The following MACROD2 variants were observed in gnomAD, a reference collection of about 807,000 sequenced individuals.
MACROD2 encodes ADP-ribose glycohydrolase MACROD2.
Under a neutral mutation model 70.4 loss-of-function variants are expected in MACROD2, and 36 were observed. That is an observed-to-expected ratio of 0.51 (90% CI 0.39 to 0.68). MACROD2 has a LOEUF of 0.68. MACROD2 is among the 30% of genes least tolerant of loss of function. MACROD2 has a pLI of 0.00. For missense variants in MACROD2, 496 were observed against 538.4 expected (o/e 0.92, Z 0.78); for synonymous variants, 172 against 178.8 (o/e 0.96, Z 0.30).
At chr20:14,611,237 G>A (rs966710449) in intron 4 of MACROD2, among the ~76,000 whole-genome samples, 2 of 152,066 alleles carry the variant, frequency 1.3e-5, no homozygotes, top group African/African-American at 4.8e-5. Context: ...TCTGTGAAAT[G>A]ACAATAATAA....
At chr20:15,775,269 C>T (rs995988559) in intron 8 of MACROD2, among the ~76,000 whole-genome samples, 2 of 152,084 alleles carry the variant, frequency 1.3e-5, no homozygotes, top group Non-Finnish European at 2.9e-5. Context: ...CTGAGGGTGG[C>T]GTTTTCCATG....
intron 3 of MACROD2, among the ~76,000 whole-genome samples, chr20:14,239,102 G>A (rs1411197363): frequency 6.7e-6 from 1 of 149,518 alleles, no homozygotes; most frequent in African/African-American, 2.5e-5. Context: ...GGACCCCAAT[G>A]AAGAATACAA....
In MACROD2 at chr20:15,499,766, T is replaced by G; in HGVS notation, c.572-8T>G. The G allele has an allele frequency of 6.2e-7, 1 of 1,613,666 alleles. No homozygotes were observed. The highest frequency in any genetic ancestry group is 8.5e-7 in the Non-Finnish European group (1 of 1,179,640). ...TTGTTCATTTGTTTTTTCCTGCTCT[T>G]CATCTAGGCTTTCCCAACGAGCCTG... On this transcript the variant is annotated splice_region_variant and splice_polypyrimidine_tract_variant and intron_variant, in intron 7 of 17. Transcript: ENST00000684519.
intron 3 of MACROD2, among the ~76,000 whole-genome samples, chr20:14,192,063 A>G (rs145151085): frequency 4.2e-4 from 64 of 152,318 alleles, no homozygotes; most frequent in African/African-American, 1.5e-3. Context: ...ACACATCACT[A>G]CAGAGTCTTT....
chr20:14,753,628 G>C (rs2071903439), intron 5 of MACROD2, among the ~76,000 whole-genome samples: 1 of 151,980 alleles, frequency 6.6e-6, no homozygotes, highest in South Asian at 2.1e-4. Context: ...GTCATACGGA[G>C]AAAAAACAGA....
intron 5 of MACROD2, among the ~76,000 whole-genome samples, chr20:15,014,896 G>T (rs182368562): frequency 6.6e-6 from 1 of 151,496 alleles, no homozygotes; most frequent in Non-Finnish European, 1.5e-5. Flanking sequence ...TTTTTGATGC[G>T]ATCCCCCCTT....
At chr20:15,510,289 A>T (rs2047481194) in intron 8 of MACROD2, among the ~76,000 whole-genome samples, 1 of 152,212 alleles carries the variant, frequency 6.6e-6, no homozygotes, top group Non-Finnish European at 1.5e-5. Flanking sequence ...CTACTGAAGG[A>T]CATTCTAACA....
intron 8 of MACROD2, among the ~76,000 whole-genome samples, chr20:15,685,932 A>G (rs1294053032): frequency 1.3e-5 from 2 of 152,180 alleles, no homozygotes; most frequent in African/African-American, 4.8e-5. Flanking sequence ...TGGCTCTTCC[A>G]TGGCAGAGTA....
chr20:16,011,002 C>A (rs926603644), intron 15 of MACROD2, among the ~76,000 whole-genome samples: 1 of 152,144 alleles, frequency 6.6e-6, no homozygotes, highest in Non-Finnish European at 1.5e-5. Flanking sequence ...CTTTCCTGGG[C>A]AGACTAAATG....
intron 4 of MACROD2, among the ~76,000 whole-genome samples, chr20:14,680,273 AAGC>A (rs1244850000): frequency 1.3e-5 from 2 of 152,184 alleles, no homozygotes; most frequent in Non-Finnish European, 2.9e-5. Context: ...AAGAAAATGA[AAGC>A]TAGAAGGTGT....
At chr20:14,281,247 T>C (rs2082303790) in intron 3 of MACROD2, among the ~76,000 whole-genome samples, 1 of 152,022 alleles carries the variant, frequency 6.6e-6, no homozygotes, top group Non-Finnish European at 1.5e-5. Context: ...CCCATAAAAA[T>C]GAATGAAGTA....
intron 6 of MACROD2, among the ~76,000 whole-genome samples, chr20:15,385,312 T>G (rs1390872917): frequency 6.6e-6 from 1 of 152,224 alleles, no homozygotes; most frequent in African/African-American, 2.4e-5. Context: ...TGACTGTTTT[T>G]GGACTCAAAT....
At position 15,862,615 on chromosome 20, in the gene MACROD2, G is replaced by A. The variant is rs1260687128; in HGVS notation, c.646-130G>A. The A allele has an allele frequency of 1.7e-5, 11 of 658,408 alleles. No individual in the cohort carries two copies. The Admixed American group carries it at 2.6e-4, about 15-fold the overall frequency. The allele number at this position is 658,408 out of a possible 1,614,324, so 40.8% of individuals were successfully genotyped here. On this transcript the variant is annotated intron_variant, in intron 8 of 17. Coordinates refer to ENST00000684519, the MANE Select transcript of MACROD2 (RefSeq NM_001351661.2). ...ATCCTTGAACTTCACTCAATGCTAT[G>A]ATGTAGATAGCAGTATAGAACCAAA...
chr20:14,750,133 A>G (rs1462607583), intron 5 of MACROD2, among the ~76,000 whole-genome samples: 5 of 152,168 alleles, frequency 3.3e-5, no homozygotes, highest in Non-Finnish European at 7.4e-5. Flanking sequence ...ATATTCTTCT[A>G]GTTTTGCAAA....
chr20:15,022,549 A>G (rs1414674843), intron 5 of MACROD2, among the ~76,000 whole-genome samples: 3 of 152,230 alleles, frequency 2.0e-5, no homozygotes. Context: ...TTCATGTGAC[A>G]GTCTCATTCC....
At chr20:15,564,245 C>A (rs997356016) in intron 8 of MACROD2, among the ~76,000 whole-genome samples, 3 of 152,146 alleles carry the variant, frequency 2.0e-5, no homozygotes, top group Non-Finnish European at 2.9e-5. Flanking sequence ...CATCTAGGAA[C>A]CTTCGCTCAT....
intron 8 of MACROD2, among the ~76,000 whole-genome samples, chr20:15,627,320 A>G (rs1199987645): frequency 6.6e-6 from 1 of 151,922 alleles, no homozygotes; most frequent in African/African-American, 2.4e-5. Context: ...TAGGAAGATT[A>G]GTATGGTAAT....
intron 5 of MACROD2, among the ~76,000 whole-genome samples, chr20:15,016,460 G>C (rs2075122113): frequency 6.6e-6 from 1 of 152,130 alleles, no homozygotes; most frequent in Admixed American, 6.5e-5. Context: ...CAATGTTAGA[G>C]GTAGAGCCTA....
In MACROD2 at chr20:16,049,890, C is replaced by G. The variant is rs765151377; in HGVS notation, c.*14C>G. On this transcript the variant is annotated 3_prime_UTR_variant, in exon 18 of 18. Transcript: ENST00000684519. ...GGAACTAAATGACAATCCTCAGCATCGCAAGGCCTCTCCTGGCTCTGGGGG... is the reference window on the plus strand; with the variant it reads ...GGAACTAAATGACAATCCTCAGCATGGCAAGGCCTCTCCTGGCTCTGGGGG... 6.6e-7 allele frequency: 1 copy of G among 1,510,106 alleles called. No homozygotes were observed. The highest frequency in any genetic ancestry group is 9.0e-7 in the Non-Finnish European group (1 of 1,116,028). The allele number at this position is 1,510,106 out of a possible 1,614,324, so 93.5% of individuals were successfully genotyped here.
Sources: gnomAD v4.1 joint callset for allele counts (sites outside exome capture counted in the v4.1 genomes callset) on GRCh38, gnomAD v4.1.1 for gene constraint, MANE v1.5 for transcripts, NCBI Gene and HGNC (gene_info 2026-07-23, HGNC 2026-07-21) for gene names.